USP4: variants seen among roughly 807,000 people sequenced by gnomAD.
USP4 encodes the protein ubiquitin specific peptidase 4.
A neutral mutation model predicts 118.2 loss-of-function variants in USP4; 72 were observed. The ratio of observed to expected loss-of-function variants is 0.61; its 90% CI spans 0.50 to 0.74. The LOEUF (loss-of-function observed/expected upper bound fraction) is 0.74, where lower values mean the gene tolerates loss of function less well. Among genes scored for constraint, USP4 ranks in the 30% least tolerant of loss-of-function variants. The pLI, the probability that USP4 is intolerant of heterozygous loss-of-function variation, is 0.00. For synonymous variants in USP4, 415 were observed against 440.4 expected, an observed-to-expected ratio of 0.94 and a Z score of 0.72; for missense variants, 1,037 against 1,185.7, an observed-to-expected ratio of 0.87 and a Z score of 1.84.
At chr3:49,306,830 G>C (rs1247374882) in intron 8 of USP4, among the ~76,000 whole-genome samples, 2 of 151,968 alleles carry the variant, frequency 1.3e-5, no homozygotes, top group Non-Finnish European at 2.9e-5. Flanking sequence ...TTTTGCCCAG[G>C]CTGGAGTGCA....
At chr3:49,280,428 G>A (rs1575598245) in intron 20 of USP4, among the ~76,000 whole-genome samples, 1 of 152,024 alleles carries the variant, frequency 6.6e-6, no homozygotes, top group Non-Finnish European at 1.5e-5. Context: ...AGGCGTGGTG[G>A]CGGGCGCCTG....
chr3:49,278,683 A>G, intron 21 of USP4, 131 bp downstream of exon 21: 1 of 882,018 alleles, frequency 1.1e-6, no homozygotes, highest in East Asian at 2.5e-5. Context: ...AAGGAATGCC[A>G]GCCAGCTCTG....
intron 8 of USP4, among the ~76,000 whole-genome samples, 187 bp from the exon 9 acceptor site, chr3:49,306,075 A>G (rs2047312601): frequency 6.6e-6 from 1 of 152,150 alleles, no homozygotes. Context: ...GACCCCTTGC[A>G]GCTAATCTCG....
Position 49,340,007 on chromosome 3 carries a change from G to C in USP4, c.18C>G (p.Gly6=), listed in dbSNP as rs745893212. 1 of 1,609,382 alleles carries C rather than the reference G, an allele frequency of 6.2e-7. No individual in the cohort carries two copies. The highest frequency in any genetic ancestry group is 8.5e-7 in the Non-Finnish European group (1 of 1,179,796). MAEGG[G]CRERPDAETQ... is the part of the protein sequence containing the mutation. ...TCTCCGCATCCGGTCGCTCACGGCAGCCTCCACCTTCCGCCATCTCCTCCG... is the reference window on the plus strand; with the variant it reads ...TCTCCGCATCCGGTCGCTCACGGCACCCTCCACCTTCCGCCATCTCCTCCG... Residue 6 remains glycine, a synonymous_variant, in exon 1 of 22, where the codon GGC becomes GGG. Coordinates refer to ENST00000265560, the MANE Select transcript of USP4 (RefSeq NM_003363.4).
At chr3:49,301,106 A>AT (rs967571730) in intron 10 of USP4, among the ~76,000 whole-genome samples, 1 of 151,870 alleles carries the variant, frequency 6.6e-6, no homozygotes, top group Non-Finnish European at 1.5e-5. Flanking sequence ...TGCCTGGCTA[A>AT]TTTTTTTAGG....
chr3:49,297,060 T>C (rs2047217560), intron 13 of USP4, among the ~76,000 whole-genome samples: 1 of 152,190 alleles, frequency 6.6e-6, no homozygotes, highest in African/African-American at 2.4e-5. Context: ...GAAGGAACTA[T>C]CTCCTTTACA....
chr3:49,319,098 C>T (rs1466791413), intron 6 of USP4, among the ~76,000 whole-genome samples: 1 of 146,954 alleles, frequency 6.8e-6, no homozygotes, highest in Admixed American at 6.8e-5. Flanking sequence ...GGAGGGATTG[C>T]GCCACTGCAC....
intron 15 of USP4, 92 bp downstream of exon 15, chr3:49,292,418 C>T: frequency 2.5e-6 from 2 of 812,712 alleles, no homozygotes; most frequent in South Asian, 2.3e-5. Context: ...CAGTCCCAAC[C>T]CCCTTCTCCC....
chr3:49,304,042 C>T (rs973174675), intron 9 of USP4, among the ~76,000 whole-genome samples: 3 of 152,136 alleles, frequency 2.0e-5, no homozygotes, highest in Non-Finnish European at 2.9e-5. Context: ...TGTGAGGCAC[C>T]GCACCCAGCC....
chr3:49,311,595 T>A lies in USP4; in HGVS notation c.755A>T (p.Tyr252Phe), dbSNP rs777154609. 1.2e-5 allele frequency: 19 copies of A among 1,614,026 alleles called. No individual in the cohort carries two copies. Among genetic ancestry groups the A allele is most frequent in the Non-Finnish European group, 1.6e-5 (19 of 1,179,938 alleles). Reference protein sequence around the residue: ...TTSPKSSASPYSSVSASLIAN... With the variant: ...TTSPKSSASPFSSVSASLIAN... ...AATGAGAGAGGCAGACACTGAGGAA[T>A]AGGGACTTGCTGATGATTTTGGAGA... Residue 252 changes from tyrosine (Y) to phenylalanine (F), a missense_variant, in exon 7 of 22, where the codon TAT (tyrosine) becomes TTT (phenylalanine). Around this residue, in one of 3 missense-constraint regions of USP4, gnomAD observed 487 missense variants for 534.1 expected, o/e 0.91. Transcript: ENST00000265560.
intron 11 of USP4, among the ~76,000 whole-genome samples, chr3:49,299,078 TTTC>T (rs2047237695): frequency 6.6e-6 from 1 of 151,416 alleles, no homozygotes; most frequent in Non-Finnish European, 1.5e-5. Flanking sequence ...CGGCCTCAAC[TTTC>T]TTTTTTTTCT....
intron 6 of USP4, among the ~76,000 whole-genome samples, chr3:49,321,791 C>T (rs1040231688): frequency 2.6e-5 from 4 of 151,770 alleles, no homozygotes; most frequent in African/African-American, 7.3e-5. Flanking sequence ...GCTAGAAGTT[C>T]GAGACCAGCC....
At chr3:49,318,618 TA>T in intron 6 of USP4, 1 of 985,110 alleles carries the variant, frequency 1.0e-6, no homozygotes, top group South Asian at 4.7e-5. Flanking sequence ...CAATTAAATA[TA>T]AACAACCGGC....
At chr3:49,318,351 T>C (rs1284518410) in intron 6 of USP4, 3 of 985,390 alleles carry the variant, frequency 3.0e-6, no homozygotes, top group Non-Finnish European at 3.6e-6. Context: ...GTGAACACCA[T>C]CTGTAGGCAA....
chr3:49,302,309 G>T, intron 10 of USP4, 75 bp downstream of exon 10: 1 of 1,523,534 alleles, frequency 6.6e-7, no homozygotes, highest in Non-Finnish European at 8.8e-7. Flanking sequence ...TCAAAGACCA[G>T]AAGAATATCC....
At chr3:49,311,829 A>G in intron 6 of USP4, 175 bp from the exon 7 acceptor site, 1 of 1,314,216 alleles carries the variant, frequency 7.6e-7, no homozygotes, top group Non-Finnish European at 9.8e-7. Context: ...AGAGTCCACA[A>G]ATTAACTGGT....
At chr3:49,296,311 C>T (rs547892791) in intron 13 of USP4, among the ~76,000 whole-genome samples, 1 of 148,334 alleles carries the variant, frequency 6.7e-6, no homozygotes, top group African/African-American at 2.5e-5. Flanking sequence ...CTGGGTGACA[C>T]AGCAAGACTC....
At chr3:49,281,539 CATTTATATAT>C (rs2047028912) in intron 19 of USP4, among the ~76,000 whole-genome samples, 1 of 141,828 alleles carries the variant, frequency 7.1e-6, no homozygotes, top group Non-Finnish European at 1.5e-5. Flanking sequence ...CACATATATA[CATTTATATAT>C]ACACACACAC....
At chr3:49,289,953 G>GA (rs920992830) in intron 15 of USP4, among the ~76,000 whole-genome samples, 22 of 150,358 alleles carry the variant, frequency 1.5e-4, no homozygotes, top group Non-Finnish European at 3.3e-4. Context: ...CCACAAAAAA[G>GA]AAAAAAAAAG....
Sources: gnomAD v4.1 joint callset for allele counts (sites outside exome capture counted in the v4.1 genomes callset) on GRCh38, gnomAD v4.1.1 for gene constraint, gnomAD v4.1.1 regional missense constraint, MANE v1.5 for transcripts, NCBI Gene and HGNC (gene_info 2026-07-23, HGNC 2026-07-21) for gene names.